Variants in JARID2 observed in about 807,000 individuals in gnomAD.
JARID2 encodes jumonji and AT-rich interaction domain containing 2.
JARID2 carries 21 observed loss-of-function variants against 125.6 expected under a neutral mutation model. That is an observed-to-expected ratio of 0.17 (90% CI 0.12 to 0.24). The LOEUF is 0.24. Among genes scored for constraint, JARID2 ranks in the 10% least tolerant of loss-of-function variants. The pLI, the probability that JARID2 is intolerant of heterozygous loss-of-function variation, is 1.00. For synonymous variants in JARID2, 736 were observed against 661.6 expected (o/e 1.11, Z -1.73); for missense variants, 1,303 against 1,639.6 (o/e 0.79, Z 3.55).
At chr6:15,510,098 G>A (rs1581665265) in intron 12 of JARID2, among the ~76,000 whole-genome samples, 1 of 152,132 alleles carries the variant, frequency 6.6e-6, no homozygotes, top group Non-Finnish European at 1.5e-5. Context: ...CAGAGTTGCT[G>A]CCCGCCTGGA....
chr6:15,413,129 T>G (rs1208737112), intron 3 of JARID2, among the ~76,000 whole-genome samples: 3 of 150,328 alleles, frequency 2.0e-5, no homozygotes, highest in Non-Finnish European at 4.4e-5. Context: ...AAGGGATTCT[T>G]CTGCCTCAGC....
At chr6:15,350,212 A>G (rs564625470) in intron 1 of JARID2, among the ~76,000 whole-genome samples, 1 of 152,288 alleles carries the variant, frequency 6.6e-6, no homozygotes, top group African/African-American at 2.4e-5. Flanking sequence ...ATGATCAGAA[A>G]GGTCTAAGGG....
intron 1 of JARID2, among the ~76,000 whole-genome samples, chr6:15,354,420 A>T (rs1429738823): frequency 6.6e-6 from 1 of 152,240 alleles, no homozygotes; most frequent in Non-Finnish European, 1.5e-5. Context: ...GTGTTTTAAG[A>T]CAGAAATGTG....
chr6:15,329,317 T>C (rs1373294898), intron 1 of JARID2, among the ~76,000 whole-genome samples: 5 of 151,900 alleles, frequency 3.3e-5, no homozygotes, highest in East Asian at 3.9e-4. Context: ...AATGAGTGAG[T>C]TGGGGAGGGA....
chr6:15,405,604 C>T (rs1450183081), intron 2 of JARID2, among the ~76,000 whole-genome samples: 1 of 152,054 alleles, frequency 6.6e-6, no homozygotes, highest in East Asian at 1.9e-4. Context: ...TAGACTGACT[C>T]TTTGGGCCAT....
chr6:15,478,331 A>G (rs1410937123), intron 5 of JARID2, among the ~76,000 whole-genome samples: 5 of 152,132 alleles, frequency 3.3e-5, no homozygotes, highest in African/African-American at 9.7e-5. Context: ...CTGACTCGCA[A>G]TGCTGCTTGG....
chr6:15,497,359 A>G (rs1770499655), intron 7 of JARID2, among the ~76,000 whole-genome samples, 189 bp downstream of exon 7: 1 of 152,172 alleles, frequency 6.6e-6, no homozygotes, highest in Non-Finnish European at 1.5e-5. Context: ...CGTTGGTGGC[A>G]GGATAAGAAT....
At chr6:15,518,377 A>C (rs1290343317) in intron 17 of JARID2, among the ~76,000 whole-genome samples, 2 of 152,198 alleles carry the variant, frequency 1.3e-5, no homozygotes, top group African/African-American at 4.8e-5. Flanking sequence ...CTGAGACCTA[A>C]TGGTTGGTTT....
chr6:15,264,409 T>C (rs974745127), intron 1 of JARID2, among the ~76,000 whole-genome samples: 5 of 152,204 alleles, frequency 3.3e-5, no homozygotes, highest in African/African-American at 1.2e-4. Context: ...AAAAAATTCT[T>C]TACTAATGGT....
chr6:15,519,298 C>A (rs1271369147), intron 17 of JARID2, among the ~76,000 whole-genome samples: 1 of 152,174 alleles, frequency 6.6e-6, no homozygotes, highest in African/African-American at 2.4e-5. Context: ...GGTGTTATTA[C>A]AGATACGTGT....
At chr6:15,352,175 T>G (rs1032580279) in intron 1 of JARID2, among the ~76,000 whole-genome samples, 3 of 152,112 alleles carry the variant, frequency 2.0e-5, no homozygotes, top group Admixed American at 2.0e-4. Context: ...GAACCCAAAT[T>G]TATTGACATA....
intron 2 of JARID2, among the ~76,000 whole-genome samples, chr6:15,378,045 C>T (rs977407339): frequency 6.6e-6 from 1 of 151,522 alleles, no homozygotes; most frequent in African/African-American, 2.4e-5. Flanking sequence ...CCACCACACC[C>T]AGCTAATTTT....
chr6:15,408,753 A>G (rs746175595), intron 2 of JARID2, among the ~76,000 whole-genome samples: 4 of 152,230 alleles, frequency 2.6e-5, no homozygotes, highest in Admixed American at 6.5e-5. Flanking sequence ...ATTTCAGGTG[A>G]TCAGTAGCTG....
chr6:15,285,586 G>A (rs975490012), intron 1 of JARID2, among the ~76,000 whole-genome samples: 3 of 152,004 alleles, frequency 2.0e-5, no homozygotes, highest in African/African-American at 7.3e-5. Flanking sequence ...TATAACATGA[G>A]GTAAAGTTAA....
chr6:15,375,045 C>T (rs1205042790), intron 2 of JARID2, among the ~76,000 whole-genome samples: 1 of 152,166 alleles, frequency 6.6e-6, no homozygotes, highest in East Asian at 1.9e-4. Context: ...AGAGCTATGG[C>T]TCTGGTCTTA....
At chr6:15,516,933 C>T (rs1771590179) in intron 16 of JARID2, among the ~76,000 whole-genome samples, 1 of 152,228 alleles carries the variant, frequency 6.6e-6, no homozygotes, top group Admixed American at 6.5e-5. Flanking sequence ...GTCAGTTACT[C>T]ACCTTCCTAG....
chr6:15,305,051 C>G (rs1761770843), intron 1 of JARID2, among the ~76,000 whole-genome samples: 1 of 152,150 alleles, frequency 6.6e-6, no homozygotes, highest in Admixed American at 6.5e-5. Flanking sequence ...GGGGTGCCCA[C>G]TGGGAGCCAG....
intron 1 of JARID2, among the ~76,000 whole-genome samples, chr6:15,283,123 C>G (rs554372351): frequency 6.6e-6 from 1 of 151,056 alleles, no homozygotes; most frequent in Non-Finnish European, 1.5e-5. Flanking sequence ...GGACTACAGG[C>G]GCCCGCCACC....
chr6:15,405,334 G>A lies in JARID2; in HGVS notation c.182-4890G>A, dbSNP rs554645159. On this transcript the variant is annotated intron_variant, in intron 2 of 17. Coordinates refer to ENST00000341776, the MANE Select transcript of JARID2 (RefSeq NM_004973.4). ...GCAGAGCTGCTGATGGCAGGGTTCT[G>A]TTGTGTTCAATTTCTTTAGAGTTCT... 5.9e-5 allele frequency among the ~76,000 whole-genome samples: 9 copies of A among 152,332 alleles called. 1 individual carries two copies. The South Asian group carries it at 1.9e-3, about 32-fold the overall frequency.
Sources: gnomAD v4.1 joint callset for allele counts (sites outside exome capture counted in the v4.1 genomes callset) on GRCh38, gnomAD v4.1.1 for gene constraint, MANE v1.5 for transcripts, NCBI Gene and HGNC (gene_info 2026-07-23, HGNC 2026-07-21) for gene names.